PRKCE: variants seen among roughly 807,000 people sequenced by gnomAD.
PRKCE encodes protein kinase C epsilon.
PRKCE carries 16 observed loss-of-function variants against 85.4 expected under a neutral mutation model. The ratio of observed to expected loss-of-function variants is 0.19; its 90% CI spans 0.13 to 0.28. The LOEUF is 0.28. PRKCE is among the 10% of genes least tolerant of loss of function. The pLI is 1.00. For missense variants in PRKCE, 573 were observed against 975.2 expected, an observed-to-expected ratio of 0.59 and a Z score of 5.49; for synonymous variants, 388 against 371.5, an observed-to-expected ratio of 1.04 and a Z score of -0.51.
intron 10 of PRKCE, 84 bp from the exon 11 acceptor site, chr2:46,086,124 C>G: frequency 1.4e-6 from 2 of 1,445,360 alleles, no homozygotes; most frequent in Non-Finnish European, 1.9e-6. Flanking sequence ...GTCTTGGTAA[C>G]CTTACACTGA....
intron 10 of PRKCE, among the ~76,000 whole-genome samples, chr2:46,017,609 T>G (rs1318343291): frequency 3.9e-5 from 6 of 152,234 alleles, no homozygotes; most frequent in African/African-American, 1.4e-4. Context: ...TCTTTTTAAT[T>G]TTTTGAGGAA....
At chr2:45,671,141 C>T (rs1676139850) in intron 1 of PRKCE, among the ~76,000 whole-genome samples, 1 of 152,206 alleles carries the variant, frequency 6.6e-6, no homozygotes, top group Non-Finnish European at 1.5e-5. Context: ...CGGCCTTACC[C>T]CTCAGGAGAC....
intron 2 of PRKCE, among the ~76,000 whole-genome samples, chr2:45,860,279 C>A (rs1345814595): frequency 2.0e-5 from 3 of 152,188 alleles, no homozygotes; most frequent in African/African-American, 7.2e-5. Context: ...CACCCAAATG[C>A]TGTGTTTAGG....
rs1207551358 is a variant in PRKCE at position 45,907,985 on chromosome 2, G to A, written c.412+64922G>A. On this transcript the variant is annotated intron_variant, in intron 2 of 14. Coordinates refer to ENST00000306156, the MANE Select transcript of PRKCE (RefSeq NM_005400.3). The surrounding 1 kb of genome is among the most constrained non-coding windows in gnomAD (Gnocchi z 4.5). Reference sequence around the variant, plus strand: ...ACTTCATCCTTTTCAAATCTCTGAAGTGGGGAGGGCGATTATCACCCCATT... The same window carrying A: ...ACTTCATCCTTTTCAAATCTCTGAAATGGGGAGGGCGATTATCACCCCATT... Among the ~76,000 whole-genome samples the A allele has an allele frequency of 6.6e-6, 1 of 152,192 alleles. No individual in the cohort carries two copies. The highest frequency in any genetic ancestry group is 6.5e-5 in the Admixed American group (1 of 15,290).
chr2:45,877,617 T>A (rs898131457), intron 2 of PRKCE, among the ~76,000 whole-genome samples: 5 of 152,344 alleles, frequency 3.3e-5, no homozygotes, highest in African/African-American at 9.6e-5. Flanking sequence ...GGTCACTATG[T>A]TTCCTGCTTC....
intron 1 of PRKCE, among the ~76,000 whole-genome samples, chr2:45,671,354 G>A (rs939651534): frequency 2.6e-5 from 4 of 152,184 alleles, no homozygotes; most frequent in African/African-American, 9.7e-5. Context: ...TTGCTTTTTA[G>A]GACAAAGGTT....
At chr2:45,843,290 G>A (rs1691509938) in intron 2 of PRKCE, among the ~76,000 whole-genome samples, 1 of 152,240 alleles carries the variant, frequency 6.6e-6, no homozygotes, top group African/African-American at 2.4e-5. Context: ...ACCAAGTGAG[G>A]CCAATAAAAC....
At chr2:45,881,062 A>T (rs936464995) in intron 2 of PRKCE, among the ~76,000 whole-genome samples, 1 of 150,206 alleles carries the variant, frequency 6.7e-6, no homozygotes, top group Non-Finnish European at 1.5e-5. Context: ...CTGAGGCAGG[A>T]GAATGGCGTG....
chr2:45,695,391 G>A (rs1352114080), intron 1 of PRKCE, among the ~76,000 whole-genome samples: 1 of 152,146 alleles, frequency 6.6e-6, no homozygotes, highest in Admixed American at 6.5e-5. Context: ...GGGAGATGGT[G>A]TATGTGTTAG....
intron 11 of PRKCE, among the ~76,000 whole-genome samples, chr2:46,130,317 C>T (rs956088357): frequency 1.3e-5 from 2 of 151,696 alleles, no homozygotes; most frequent in Non-Finnish European, 2.9e-5. Context: ...CATGAATATA[C>T]TATTACATAT....
At chr2:46,171,086 G>T (rs1678845285) in intron 14 of PRKCE, among the ~76,000 whole-genome samples, 1 of 152,174 alleles carries the variant, frequency 6.6e-6, no homozygotes, top group Non-Finnish European at 1.5e-5. Flanking sequence ...CTTCCAGCTG[G>T]AGACACAGGC....
chr2:46,063,348 G>GA (rs547596116), intron 10 of PRKCE, among the ~76,000 whole-genome samples: 3,824 of 117,824 alleles, frequency 0.032, 72 homozygotes, highest in South Asian at 0.078. Flanking sequence ...AAGTTGAACA[G>GA]AAAAAAAAAA....
chr2:45,817,063 T>C (rs1349728495), intron 1 of PRKCE, among the ~76,000 whole-genome samples: 1 of 96,466 alleles, frequency 1.0e-5, no homozygotes, highest in Non-Finnish European at 2.2e-5. Flanking sequence ...ATACTGTAAG[T>C]AGAGTGTGTG....
At chr2:46,032,400 C>T (rs766486379) in intron 10 of PRKCE, among the ~76,000 whole-genome samples, 22 of 152,144 alleles carry the variant, frequency 1.4e-4, no homozygotes, top group Non-Finnish European at 2.6e-4. Flanking sequence ...ACCCAGCTTC[C>T]GCCTGGGAAA....
At chr2:45,731,760 A>G (rs1681597718) in intron 1 of PRKCE, among the ~76,000 whole-genome samples, 2 of 151,530 alleles carry the variant, frequency 1.3e-5, no homozygotes, top group Non-Finnish European at 2.9e-5. Flanking sequence ...AGTAGCTGGG[A>G]CCATGGGTGT....
At chr2:45,807,829 G>A (rs1212944284) in intron 1 of PRKCE, among the ~76,000 whole-genome samples, 1 of 152,024 alleles carries the variant, frequency 6.6e-6, no homozygotes, top group Non-Finnish European at 1.5e-5. Flanking sequence ...ATCCTGCTGT[G>A]AGCTCAAGTT....
rs781383046 is a variant in PRKCE, at chr2:45,652,524, T to TA, written c.348+77dup. 1.2e-5 allele frequency: 17 copies of TA among 1,372,518 alleles called. No individual in the cohort carries two copies. The highest frequency in any genetic ancestry group is 1.7e-5 in the Non-Finnish European group (17 of 1,020,558). The allele number at this position is 1,372,518 out of a possible 1,614,324, so 85.0% of individuals were successfully genotyped here. On this transcript the variant is annotated intron_variant, in intron 1 of 14. Coordinates refer to ENST00000306156, the MANE Select transcript of PRKCE (RefSeq NM_005400.3). The surrounding 1 kb of genome is among the most constrained non-coding windows in gnomAD (Gnocchi z 7.7). ...GGGAAAGACTCGCTGGTCTTGATCGTAGGGCTCCGGGACTTATTGACGACT... is the reference window on the plus strand; with the variant it reads ...GGGAAAGACTCGCTGGTCTTGATCGTAAGGGCTCCGGGACTTATTGACGACT...
In PRKCE at chr2:45,693,035, G is replaced by T. The variant is rs182210992; in HGVS notation, c.348+40587G>T. Among the ~76,000 whole-genome samples the T allele has an allele frequency of 3.9e-5, 6 of 152,240 alleles. No homozygotes were observed. In the East Asian group the frequency reaches 1.2e-3, roughly 29 times the overall value. ...AGGCTGACTGAGAGATTCTGCAGGGGGCCAAGGTGGCTCAGGAGGCCTGAA... is the reference window on the plus strand; with the variant it reads ...AGGCTGACTGAGAGATTCTGCAGGGTGCCAAGGTGGCTCAGGAGGCCTGAA... On this transcript the variant is annotated intron_variant, in intron 1 of 14. Coordinates refer to ENST00000306156, the MANE Select transcript of PRKCE (RefSeq NM_005400.3).
intron 1 of PRKCE, among the ~76,000 whole-genome samples, chr2:45,742,088 A>C (rs1280132087): frequency 6.6e-6 from 1 of 152,218 alleles, no homozygotes; most frequent in African/African-American, 2.4e-5. Context: ...AGGCAACAAA[A>C]GCAAAAATAA....
Sources: gnomAD v4.1 joint callset for allele counts (sites outside exome capture counted in the v4.1 genomes callset) on GRCh38, gnomAD v4.1.1 for gene constraint, Gnocchi (gnomAD v3.1) non-coding constraint, MANE v1.5 for transcripts, NCBI Gene and HGNC (gene_info 2026-07-23, HGNC 2026-07-21) for gene names.